Variants in TTK observed in about 807,000 individuals in gnomAD.
The protein encoded by TTK is dual specificity protein kinase TTK.
A neutral mutation model predicts 117.3 loss-of-function variants in TTK; 59 were observed. The ratio of observed to expected loss-of-function variants is 0.50; its 90% CI spans 0.41 to 0.62. The LOEUF is 0.62. TTK is among the 20% of genes least tolerant of loss of function. TTK has a pLI of 0.00. For missense variants in TTK, 921 were observed against 989.4 expected (o/e 0.93, Z 0.93); for synonymous variants, 302 against 325.0 (o/e 0.93, Z 0.76).
In TTK at chr6:80,042,222, T is replaced by G. The variant is rs1165546303; in HGVS notation, c.*20T>G. 1 of 1,549,572 alleles carries G rather than the reference T, an allele frequency of 6.5e-7. No homozygotes were observed. Among genetic ancestry groups the G allele is most frequent in the Non-Finnish European group, 8.8e-7 (1 of 1,130,776 alleles). ...AAATGATTTGCAGTTATTCGTAATGTCAGATACCACCTATAAAATATATTG... is the reference window on the plus strand; with the variant it reads ...AAATGATTTGCAGTTATTCGTAATGGCAGATACCACCTATAAAATATATTG... On this transcript the variant is annotated 3_prime_UTR_variant, in exon 22 of 22. Transcript: ENST00000369798.
chr6:80,010,775 TTA>T, intron 4 of TTK, 37 bp from the exon 5 acceptor site: 1 of 971,832 alleles, frequency 1.0e-6, no homozygotes, highest in Non-Finnish European at 1.4e-6. Context: ...GGTGGGCATT[TTA>T]CTGCCTAAAA....
In TTK at chr6:80,028,873, G is replaced by T. The variant is rs1431513115; in HGVS notation, c.1521+862G>T. Among the ~76,000 whole-genome samples, 4 of 152,152 alleles carry T rather than the reference G, an allele frequency of 2.6e-5. No individual in the cohort carries two copies. In the East Asian group the frequency reaches 7.7e-4, roughly 29 times the overall value. On this transcript the variant is annotated intron_variant, in intron 13 of 21. Coordinates refer to ENST00000369798, the MANE Select transcript of TTK (RefSeq NM_003318.5). ...CATGGGCCTTGGAGACACTGGGCAT[G>T]AATCTTAGCCTCACTACTTACAGTC...
Position 80,037,865 on chromosome 6 carries a change from TATAATAATAATA to T in TTK, c.2050-81_2050-70del, listed in dbSNP as rs3049175. On this transcript the variant is annotated intron_variant, in intron 17 of 21. Transcript: ENST00000369798. ...ATTTTTAAGAATCTAAAACTTAAAGTATAATAATAATAATAATAATAATAATAATAATCTCAA... is the reference window on the plus strand; with the variant it reads ...ATTTTTAAGAATCTAAAACTTAAAGTATAATAATAATAATAATAATCTCAA... 4.8e-3 allele frequency: 1,962 copies of T among 409,938 alleles called. 84 individuals carry two copies. In the East Asian group the frequency reaches 0.074, roughly 15 times the overall value. The allele number at this position is 409,938 out of a possible 1,614,324, so 25.4% of individuals were successfully genotyped here. A position where few individuals can be genotyped will look rare whatever the true frequency, so the allele number is the denominator to read the frequency against.
At chr6:80,010,271 C>A (rs1382379601) in intron 4 of TTK, among the ~76,000 whole-genome samples, 1 of 151,900 alleles carries the variant, frequency 6.6e-6, no homozygotes, top group Non-Finnish European at 1.5e-5. Flanking sequence ...GCTGGTATAG[C>A]TGAGTGTGAC....
At chr6:80,030,628 G>T (rs1248319653) in intron 13 of TTK, among the ~76,000 whole-genome samples, 2 of 151,966 alleles carry the variant, frequency 1.3e-5, no homozygotes, top group African/African-American at 2.4e-5. Flanking sequence ...AGAGTTGGGG[G>T]CAGATGCCAC....
At chr6:80,030,941 G>A (rs1767742276) in intron 13 of TTK, among the ~76,000 whole-genome samples, 1 of 151,682 alleles carries the variant, frequency 6.6e-6, no homozygotes, top group South Asian at 2.1e-4. Context: ...AGCTACTCGG[G>A]AGGCTGAGGA....
chr6:80,017,097 T>A (rs1349653207), intron 10 of TTK, among the ~76,000 whole-genome samples: 4 of 152,214 alleles, frequency 2.6e-5, no homozygotes, highest in African/African-American at 9.6e-5. Context: ...TTCCTGAGTT[T>A]AATGTTTACA....
chr6:80,023,665 A>C (rs1180938981), intron 11 of TTK, among the ~76,000 whole-genome samples: 1 of 152,214 alleles, frequency 6.6e-6, no homozygotes, highest in African/African-American at 2.4e-5. Context: ...AAAAATATGT[A>C]TTTTCTGAAA....
chr6:80,028,036 G>GATATATATGATGATATA, intron 13 of TTK, 25 bp downstream of exon 13: 1 of 1,570,538 alleles, frequency 6.4e-7, no homozygotes, highest in Non-Finnish European at 8.6e-7. Flanking sequence ...ATATATGATG[G>GATATATATGATGATATA]TATATGTTAA....
At chr6:80,022,835 T>C (rs935815063) in intron 11 of TTK, among the ~76,000 whole-genome samples, 1 of 152,178 alleles carries the variant, frequency 6.6e-6, no homozygotes, top group Admixed American at 6.5e-5. Flanking sequence ...TTAGTTGTAT[T>C]AGAGACCACT....
intron 17 of TTK, among the ~76,000 whole-genome samples, chr6:80,036,831 A>G (rs1179612662): frequency 1.3e-5 from 2 of 152,148 alleles, no homozygotes; most frequent in African/African-American, 2.4e-5. Context: ...CCTATAGCTG[A>G]AGTAGAGAAA....
rs1295202752 is a variant in TTK, at chr6:80,011,915, CCTT to C, written c.834_836del (p.Leu279del). The C allele has an allele frequency of 1.2e-6, 2 of 1,612,514 alleles. No individual in the cohort carries two copies. Among genetic ancestry groups the C allele is most frequent in the South Asian group, 2.2e-5 (2 of 90,940 alleles). ...GCCCATTTGGAAGAGTCCCAGTTAACCTTCTAAATAGCCCAGATTGTGATGTGA... is the reference window on the plus strand; with the variant it reads ...GCCCATTTGGAAGAGTCCCAGTTAACCTAAATAGCCCAGATTGTGATGTGA... On this transcript the variant is annotated inframe_deletion, in exon 8 of 22. Transcript: ENST00000369798.
rs144032191 is a variant in TTK at position 80,008,469 on chromosome 6, T to C, written c.446T>C (p.Phe149Ser). Reference sequence around the variant, plus strand: ...AAATTTGCTTTTGTTCATATATCTTTTGCACAATTTGAACTGTCACAAGGT... The same window carrying C: ...AAATTTGCTTTTGTTCATATATCTTCTGCACAATTTGAACTGTCACAAGGT... ...CKKFAFVHIS[F>S]AQFELSQGNV... Residue 149 changes from phenylalanine (F) to serine (S), a missense_variant, in exon 4 of 22, where the codon TTT (phenylalanine) becomes TCT (serine). Physicochemically the swap from Phe to Ser is radical, Grantham distance 155. Transcript: ENST00000369798. The C allele has an allele frequency of 1.6e-5, 25 of 1,611,504 alleles. No individual in the cohort carries two copies. The African/African-American group carries it at 2.7e-4, about 17-fold the overall frequency.
At chr6:80,018,576 A>C (rs1767373556) in intron 10 of TTK, among the ~76,000 whole-genome samples, 3 of 149,722 alleles carry the variant, frequency 2.0e-5, no homozygotes, top group Admixed American at 1.3e-4. Flanking sequence ...GTGAGCTGAG[A>C]TCCTGCCATT....
intron 9 of TTK, 29 bp downstream of exon 9, chr6:80,013,395 G>A (rs1490217352): frequency 1.9e-6 from 3 of 1,547,794 alleles, no homozygotes; most frequent in East Asian, 4.5e-5. Context: ...ATTATATAAA[G>A]CAAGGGTTCC....
intron 17 of TTK, 97 bp downstream of exon 17, chr6:80,036,696 C>T: frequency 7.8e-7 from 1 of 1,285,972 alleles, no homozygotes; most frequent in African/African-American, 1.5e-5. Context: ...TTAATCACCT[C>T]ATTCTTCAAA....
At chr6:80,030,680 G>T (rs1305458229) in intron 13 of TTK, among the ~76,000 whole-genome samples, 1 of 152,066 alleles carries the variant, frequency 6.6e-6, no homozygotes, top group East Asian at 1.9e-4. Flanking sequence ...TCTCAGAGAA[G>T]CACTGAGGAG....
chr6:80,035,570 A>G (rs1767884272), intron 16 of TTK, among the ~76,000 whole-genome samples, 153 bp downstream of exon 16: 9 of 152,158 alleles, frequency 5.9e-5, no homozygotes, highest in Admixed American at 5.9e-4. Context: ...TAAAGGAACA[A>G]AACCATTTCT....
At position 80,022,393 on chromosome 6, in the gene TTK, CAG is replaced by C. The variant is rs751240928; in HGVS notation, c.1181_1182del (p.Glu394ValfsTer3). 2.5e-6 allele frequency: 4 copies of C among 1,613,812 alleles called. No homozygotes were observed. The highest frequency in any genetic ancestry group is 3.4e-6 in the Non-Finnish European group (4 of 1,179,970). The stretch of plus-strand genomic sequence containing the variant: ...AAACAGTGGCAATCTAAGAGAAAGT[CAG>C]AGTGTATTAACCAGAATCCTGCTGC... On this transcript the variant is annotated frameshift_variant, in exon 11 of 22. Coordinates refer to ENST00000369798, the MANE Select transcript of TTK (RefSeq NM_003318.5). LOFTEE classifies it high-confidence loss of function.
Sources: gnomAD v4.1 joint callset for allele counts (sites outside exome capture counted in the v4.1 genomes callset) on GRCh38, gnomAD v4.1.1 for gene constraint, MANE v1.5 for transcripts, NCBI Gene and HGNC (gene_info 2026-07-23, HGNC 2026-07-21) for gene names.